NUP214: variants seen among roughly 807,000 people sequenced by gnomAD.
The protein encoded by NUP214 is nucleoporin 214.
A neutral mutation model predicts 196.2 loss-of-function variants in NUP214; 79 were observed. The ratio of observed to expected loss-of-function variants is 0.40; its 90% CI spans 0.34 to 0.49. NUP214 has a LOEUF of 0.49. NUP214 is among the 20% of genes least tolerant of loss of function. NUP214 has a pLI of 0.58. For missense variants in NUP214, 2,468 were observed against 2,539.0 expected (o/e 0.97, Z 0.60); for synonymous variants, 1,020 against 990.5 (o/e 1.03, Z -0.56).
Position 131,144,763 on chromosome 9 carries a change from C to G in NUP214, c.1769+9C>G. Reference sequence around the variant, plus strand: ...GTCAACCTTAGTGAAAAGTAAGTCACTTCTAAAGTTTGATTCTTCTGTGAG... The same window carrying G: ...GTCAACCTTAGTGAAAAGTAAGTCAGTTCTAAAGTTTGATTCTTCTGTGAG... On this transcript the variant is annotated intron_variant, in intron 12 of 35. Coordinates refer to ENST00000359428, the MANE Select transcript of NUP214 (RefSeq NM_005085.4). 6.4e-7 allele frequency: 1 copy of G among 1,557,760 alleles called. No homozygotes were observed. The highest frequency in any genetic ancestry group is 1.2e-5 in the South Asian group (1 of 84,872).
At chr9:131,152,786 A>AT (rs938511432) in intron 17 of NUP214, among the ~76,000 whole-genome samples, 97 of 146,796 alleles carry the variant, frequency 6.6e-4, no homozygotes, top group South Asian at 1.3e-3. Context: ...TTGAAAAAAA[A>AT]TTTTTTTTTT....
intron 32 of NUP214, 135 bp from the exon 33 acceptor site, chr9:131,228,025 C>A: frequency 1.2e-6 from 1 of 804,962 alleles, no homozygotes; most frequent in Non-Finnish European, 1.8e-6. Flanking sequence ...CTAGTTCTTG[C>A]ATTTGAATTG....
At chr9:131,200,103 A>C (rs769498672) in intron 29 of NUP214, among the ~76,000 whole-genome samples, 1 of 152,230 alleles carries the variant, frequency 6.6e-6, no homozygotes, top group African/African-American at 2.4e-5. Context: ...TTTGCTCTGC[A>C]GTCAGAACCT....
intron 17 of NUP214, among the ~76,000 whole-genome samples, chr9:131,158,126 C>A (rs1010540919): frequency 6.7e-6 from 1 of 150,056 alleles, no homozygotes; most frequent in African/African-American, 2.5e-5. Context: ...TTGCCCAGGC[C>A]GGAGTGCAGT....
At chr9:131,130,142 T>G (rs188110306) in intron 4 of NUP214, among the ~76,000 whole-genome samples, 6 of 103,526 alleles carry the variant, frequency 5.8e-5, no homozygotes, top group South Asian at 4.0e-4. Context: ...GTTTTGTTTT[T>G]TTTTTTTTGT....
chr9:131,146,070 C>G lies in NUP214; in HGVS notation c.1770-59C>G, dbSNP rs1832079152. On this transcript the variant is annotated intron_variant, in intron 12 of 35. Transcript: ENST00000359428. This position sits in a 1 kb window ranked among gnomAD's most constrained non-coding sequence, Gnocchi z 4.6. ...TTATCTTTTGATGACATTGCTCATG[C>G]TAGTGTAAAAGAATCTTCTAGCAGG... is the stretch of plus-strand genomic sequence containing the variant. 2.1e-6 allele frequency: 3 copies of G among 1,441,044 alleles called. No individual in the cohort carries two copies. The highest frequency in any genetic ancestry group is 1.2e-5 in the South Asian group (1 of 86,522). The allele number at this position is 1,441,044 out of a possible 1,614,324, so 89.3% of individuals were successfully genotyped here.
chr9:131,215,369 G>A lies in NUP214; in HGVS notation c.5749+1G>A, dbSNP rs111430327. On this transcript the variant is annotated splice_donor_variant, in intron 31 of 35. Transcript: ENST00000359428. LOFTEE classifies it high-confidence loss of function. The stretch of plus-strand genomic sequence containing the variant: ...GGCTTTGGATCCACAGCTACCTCAA[G>A]TAAGTTGAGAAGACTTTTCCCAGTC... 2 of 1,588,728 alleles carry A rather than the reference G, an allele frequency of 1.3e-6. No homozygotes were observed. Among genetic ancestry groups the A allele is most frequent in the Non-Finnish European group, 1.7e-6 (2 of 1,168,462 alleles).
Position 131,198,622 on chromosome 9 carries a change from A to G in NUP214, c.5128A>G (p.Ser1710Gly). Reference sequence around the variant, plus strand: ...ACAGGTCAGCAGCTCAGGGTTTAGCAGCCCAGCTTTTGGTACCACAGCCCC... The same window carrying G: ...ACAGGTCAGCAGCTCAGGGTTTAGCGGCCCAGCTTTTGGTACCACAGCCCC... Reference protein sequence around the residue: ...TPQVSSSGFSSPAFGTTAPGV... With the variant: ...TPQVSSSGFSGPAFGTTAPGV... The change falls in exon 29 of 36, where the codon AGC becomes GGC. Residue 1710 changes from serine to glycine, a missense_variant. Transcript: ENST00000359428. The G allele has an allele frequency of 6.2e-7, 1 of 1,614,254 alleles. No individual in the cohort carries two copies. The highest frequency in any genetic ancestry group is 8.5e-7 in the Non-Finnish European group (1 of 1,180,040).
In NUP214 at chr9:131,146,891, C is replaced by T. The variant is rs1003928531; in HGVS notation, c.1945+587C>T. 1.3e-5 allele frequency among the ~76,000 whole-genome samples: 2 copies of T among 150,894 alleles called. No homozygotes were observed. Among genetic ancestry groups the T allele is most frequent in the South Asian group, 2.1e-4 (1 of 4,766 alleles). The stretch of plus-strand genomic sequence containing the variant: ...ATTGCAGGGAGTCGAGATCACGCCA[C>T]TGCTCTCCAGCCTGGCGACAGAGCG... On this transcript the variant is annotated intron_variant, in intron 13 of 35. Transcript: ENST00000359428. The surrounding 1 kb of genome is among the most constrained non-coding windows in gnomAD (Gnocchi z 4.6).
Position 131,146,364 on chromosome 9 carries a change from A to G in NUP214, c.1945+60A>G. 1.9e-6 allele frequency: 3 copies of G among 1,541,184 alleles called. No homozygotes were observed. Among genetic ancestry groups the G allele is most frequent in the Non-Finnish European group, 2.7e-6 (3 of 1,118,536 alleles). ...CCTGCCTTCTCAGATTAACGGTTTT[A>G]AGTGTTAAGAGTCGTAGCTAACATA... On this transcript the variant is annotated intron_variant, in intron 13 of 35. Coordinates refer to ENST00000359428, the MANE Select transcript of NUP214 (RefSeq NM_005085.4). The surrounding 1 kb of genome is among the most constrained non-coding windows in gnomAD (Gnocchi z 4.6).
chr9:131,196,025 T>TCCCCCCCCCCC (rs1365777357), intron 28 of NUP214, among the ~76,000 whole-genome samples: 1 of 3,666 alleles, frequency 2.7e-4, no homozygotes, highest in African/African-American at 6.6e-4. Flanking sequence ...ACTCTGTGTG[T>TCCCCCCCCCCC]CCCCCCCCCC....
Position 131,228,155 on chromosome 9 carries a change from C to A in NUP214, c.5903-5C>A. 1 of 1,571,828 alleles carries A rather than the reference C, an allele frequency of 6.4e-7. No individual in the cohort carries two copies. Among genetic ancestry groups the A allele is most frequent in the South Asian group, 1.2e-5 (1 of 85,510 alleles). On this transcript the variant is annotated splice_polypyrimidine_tract_variant and splice_region_variant and intron_variant, in intron 32 of 35. Coordinates refer to ENST00000359428, the MANE Select transcript of NUP214 (RefSeq NM_005085.4). ...TTTCTGTTTGTTTGCCTCTGTTTTGCTCAGGTGGCTTCGGTGCTGCTCCAG... is the reference window on the plus strand; with the variant it reads ...TTTCTGTTTGTTTGCCTCTGTTTTGATCAGGTGGCTTCGGTGCTGCTCCAG...
intron 16 of NUP214, among the ~76,000 whole-genome samples, chr9:131,151,343 A>G (rs1832257591): frequency 6.6e-6 from 1 of 152,222 alleles, no homozygotes; most frequent in African/African-American, 2.4e-5. Context: ...AATTTGTCAA[A>G]AGTCACCCAC....
Position 131,163,105 on chromosome 9 carries a change from C to T in NUP214, c.2655C>T (p.Leu885=). The change falls in exon 19 of 36, where the codon CTC becomes CTT. Residue 885 remains leucine (L), a synonymous_variant. Coordinates refer to ENST00000359428, the MANE Select transcript of NUP214 (RefSeq NM_005085.4). ...LNHLVDSLQQ[L]RLYKQTSLWS... is the part of the protein sequence containing the mutation. ...ACCTGGTGGATAGTCTTCAGCAGCT[C>T]CGCCTTTACAAACAGACTTCCCTGT... The T allele has an allele frequency of 6.2e-7, 1 of 1,614,200 alleles. No homozygotes were observed. Among genetic ancestry groups the T allele is most frequent in the Non-Finnish European group, 8.5e-7 (1 of 1,180,026 alleles).
At chr9:131,137,272 C>T (rs1473782805) in intron 9 of NUP214, among the ~76,000 whole-genome samples, 1 of 152,160 alleles carries the variant, frequency 6.6e-6, no homozygotes, top group East Asian at 1.9e-4. Context: ...AAAAGAATCA[C>T]CCCTGCCCTA....
At position 131,125,866 on chromosome 9, in the gene NUP214, G is replaced by A; in HGVS notation, c.45+117G>A. ...GCCTCCTGCTTGAACAGTTTACCGC[G>A]TTCACAGCTCTCACCAGCGCGTCTG... On this transcript the variant is annotated intron_variant, in intron 1 of 35. Transcript: ENST00000359428. The surrounding 1 kb of genome is among the most constrained non-coding windows in gnomAD (Gnocchi z 4.1). The A allele has an allele frequency of 1.7e-6, 2 of 1,208,226 alleles. No individual in the cohort carries two copies. The highest frequency in any genetic ancestry group is 2.3e-6 in the Non-Finnish European group (2 of 858,888). 74.8% of individuals were successfully genotyped at this position (1,208,226 alleles called of 1,614,324 possible). A position where few individuals can be genotyped will look rare whatever the true frequency, so the allele number is the denominator to read the frequency against.
rs779160670 is a variant in NUP214, at chr9:131,187,389, T to A, written c.3495+25T>A. On this transcript the variant is annotated intron_variant, in intron 25 of 35. Coordinates refer to ENST00000359428, the MANE Select transcript of NUP214 (RefSeq NM_005085.4). ...GGTAACTTACTGATTTTTACTTTTTTTTTTTTTTTTTTTTTGAGACAGAGT... is the reference window on the plus strand; with the variant it reads ...GGTAACTTACTGATTTTTACTTTTTATTTTTTTTTTTTTTTGAGACAGAGT... The A allele has an allele frequency of 4.6e-6, 7 of 1,531,142 alleles. No individual in the cohort carries two copies. In the African/African-American group the frequency reaches 7.0e-5, roughly 15 times the overall value. The allele number at this position is 1,531,142 out of a possible 1,614,324, so 94.8% of individuals were successfully genotyped here.
intron 10 of NUP214, among the ~76,000 whole-genome samples, chr9:131,140,070 A>G (rs981165323): frequency 1.3e-5 from 2 of 152,192 alleles, no homozygotes; most frequent in Non-Finnish European, 2.9e-5. Context: ...TTGAAGCCTT[A>G]ACTGATAAAA....
intron 28 of NUP214, chr9:131,195,690 T>A (rs1018766337): frequency 5.7e-6 from 1 of 176,018 alleles, no homozygotes; most frequent in African/African-American, 2.4e-5. Flanking sequence ...TTTTCCTTGA[T>A]AACATACCAG....
Sources: gnomAD v4.1 joint callset for allele counts (sites outside exome capture counted in the v4.1 genomes callset) on GRCh38, gnomAD v4.1.1 for gene constraint, Gnocchi (gnomAD v3.1) non-coding constraint, MANE v1.5 for transcripts, NCBI Gene and HGNC (gene_info 2026-07-23, HGNC 2026-07-21) for gene names.